The following RBBP8 variants were observed in gnomAD, a reference collection of about 807,000 sequenced individuals.
RBBP8 encodes the protein DNA endonuclease RBBP8.
A neutral mutation model predicts 108.3 loss-of-function variants in RBBP8; 88 were observed. The observed-to-expected ratio is 0.81, with a 90% CI of 0.68 to 0.97. The LOEUF (loss-of-function observed/expected upper bound fraction) is 0.97, where lower values mean the gene tolerates loss of function less well. Ranked by LOEUF, RBBP8 falls within the 50% of genes least tolerant of loss-of-function variation. The probability of loss-of-function intolerance (pLI) is 0.00; values close to 1 mark genes in which losing one functional copy is unlikely to be tolerated. For missense variants in RBBP8, 1,023 were observed against 1,049.0 expected (o/e 0.98, Z 0.34); for synonymous variants, 332 against 348.2 (o/e 0.95, Z 0.52).
Position 22,992,889 on chromosome 18 carries a change from G to GA in RBBP8, c.1071dup (p.His358ThrfsTer8), listed in dbSNP as rs754547584. 7.7e-5 allele frequency: 124 copies of GA among 1,601,922 alleles called. No individual in the cohort carries two copies. The highest frequency in any genetic ancestry group is 1.7e-4 in the Middle Eastern group (1 of 6,052). On this transcript the variant is annotated frameshift_variant, in exon 11 of 19. Coordinates refer to ENST00000327155, the MANE Select transcript of RBBP8 (RefSeq NM_002894.3). LOFTEE classifies it high-confidence loss of function. ...TGTCCCCTTCTCTTTTACAGCCTGG[G>GA]AAAAAAAAACATCTGAAAACACTCC...
intron 4 of RBBP8, among the ~76,000 whole-genome samples, chr18:22,966,320 A>G (rs1913579701): frequency 6.6e-6 from 1 of 152,206 alleles, no homozygotes; most frequent in South Asian, 2.1e-4. Flanking sequence ...TTAAATCATG[A>G]TGCCTAGCTG....
At chr18:22,959,726 GTGTGTGTGTT>G (rs1355898624) in intron 4 of RBBP8, among the ~76,000 whole-genome samples, 1 of 151,640 alleles carries the variant, frequency 6.6e-6, no homozygotes, top group East Asian at 1.9e-4. Flanking sequence ...ATTTATATGT[GTGTGTGTGTT>G]TGTGTGTGTG....
chr18:22,988,911 C>T (rs956062830), intron 8 of RBBP8, among the ~76,000 whole-genome samples: 1 of 152,144 alleles, frequency 6.6e-6, no homozygotes, highest in Admixed American at 6.5e-5. Context: ...CACAATAATT[C>T]CACTGTAAAT....
upstream of RBBP8, among the ~76,000 whole-genome samples, chr18:22,933,030 C>T (rs948076634): frequency 6.6e-6 from 1 of 152,258 alleles, no homozygotes; most frequent in African/African-American, 2.4e-5. Context: ...TCACTCTACA[C>T]ATGCTTCCCT....
chr18:22,973,255 G>A (rs1029344130), intron 5 of RBBP8, among the ~76,000 whole-genome samples: 1 of 152,024 alleles, frequency 6.6e-6, no homozygotes, highest in Non-Finnish European at 1.5e-5. Flanking sequence ...ATCAATCTGA[G>A]CCTATTTTTA....
chr18:22,991,131 C>T, intron 10 of RBBP8, 82 bp downstream of exon 10: 1 of 982,264 alleles, frequency 1.0e-6, no homozygotes, highest in Admixed American at 1.9e-5. Context: ...TAAGCCATTT[C>T]TCTCCTTCAA....
At chr18:22,914,949 C>A (rs1329219545) in intron 1 of RBBP8, among the ~76,000 whole-genome samples, 1 of 152,098 alleles carries the variant, frequency 6.6e-6, no homozygotes, top group Non-Finnish European at 1.5e-5. Flanking sequence ...ATCTTCCTTT[C>A]ATTTATATTA....
At chr18:22,997,542 A>G (rs2045880429) in intron 13 of RBBP8, 78 bp from the exon 14 acceptor site, 2 of 930,116 alleles carry the variant, frequency 2.2e-6, no homozygotes, top group Non-Finnish European at 3.4e-6. Flanking sequence ...TATTTTACCA[A>G]AATGTTTTGT....
intron 4 of RBBP8, among the ~76,000 whole-genome samples, chr18:22,963,766 T>C (rs1027818277): frequency 6.6e-6 from 1 of 152,178 alleles, no homozygotes; most frequent in Admixed American, 6.5e-5. Context: ...ATCACACATA[T>C]ATAAAAGTAG....
intron 12 of RBBP8, 84 bp from the exon 13 acceptor site, chr18:22,996,290 A>G (rs2045855995): frequency 3.2e-6 from 5 of 1,559,616 alleles, no homozygotes; most frequent in African/African-American, 1.4e-5. Context: ...AAAATTTTCT[A>G]TTCTTTAGGT....
Position 22,993,217 on chromosome 18 carries a change from T to G in RBBP8, c.1390T>G (p.Ser464Ala). The change falls in exon 11 of 19, where the codon TCT (serine) becomes GCT (alanine). Residue 464 changes from serine to alanine, a missense_variant. Coordinates refer to ENST00000327155, the MANE Select transcript of RBBP8 (RefSeq NM_002894.3). ...ACATGAAGTAAGCTGCCCCCAAGCT[T>G]CTTTTGATAAAGAAAATGCTTTCCC... The part of the protein sequence containing the change: ...SEHEVSCPQA[S>A]FDKENAFPFP... 2 of 1,614,210 alleles carry G rather than the reference T, an allele frequency of 1.2e-6. No homozygotes were observed. Among genetic ancestry groups the G allele is most frequent in the Non-Finnish European group, 1.7e-6 (2 of 1,180,024 alleles).
chr18:22,929,875 G>A (rs1336559549), upstream of RBBP8, among the ~76,000 whole-genome samples: 1 of 152,098 alleles, frequency 6.6e-6, no homozygotes. Flanking sequence ...AGACAGCAGA[G>A]AAAATAAAAA....
chr18:23,019,097 C>G (rs891196785), intron 17 of RBBP8, among the ~76,000 whole-genome samples: 1 of 152,024 alleles, frequency 6.6e-6, no homozygotes, highest in Admixed American at 6.6e-5. Context: ...CAAGCAAAAG[C>G]CTATAATGTG....
At position 23,000,501 on chromosome 18, in the gene RBBP8, G is replaced by A. The variant is rs1598729092; in HGVS notation, c.2144-1085G>A. ...TCGCACCTGTAATCCCAGTATTTTG[G>A]GAGGCCTAGGTGGGCGGATCACTTG... is the stretch of plus-strand genomic sequence containing the variant. On this transcript the variant is annotated intron_variant, in intron 14 of 18. Coordinates refer to ENST00000327155, the MANE Select transcript of RBBP8 (RefSeq NM_002894.3). 2.6e-5 allele frequency among the ~76,000 whole-genome samples: 4 copies of A among 152,166 alleles called. 1 individual carries two copies. Among genetic ancestry groups the A allele is most frequent in the Admixed American group, 2.6e-4 (4 of 15,272 alleles).
At chr18:23,018,147 G>T (rs2046293167) in intron 17 of RBBP8, among the ~76,000 whole-genome samples, 2 of 151,670 alleles carry the variant, frequency 1.3e-5, no homozygotes. Context: ...CATTTCCCGG[G>T]TTCAGACGAT....
intron 15 of RBBP8, 141 bp downstream of exon 15, chr18:23,001,870 AAATTTTGAGAT>A: frequency 8.2e-7 from 1 of 1,225,020 alleles, no homozygotes; most frequent in South Asian, 1.5e-5. Context: ...CAGGTTTTTA[AAATTTTGAGAT>A]AATTTTACAC....
At chr18:23,007,296 C>T (rs566775623) in intron 16 of RBBP8, among the ~76,000 whole-genome samples, 1 of 152,128 alleles carries the variant, frequency 6.6e-6, no homozygotes, top group South Asian at 2.1e-4. Flanking sequence ...GCTGGGATTA[C>T]AGGCATGAGC....
intron 3 of RBBP8, among the ~76,000 whole-genome samples, chr18:22,917,955 G>A (rs1176373229): frequency 1.1e-4 from 16 of 143,076 alleles, no homozygotes; most frequent in African/African-American, 2.0e-4. Context: ...CCAAGATCGC[G>A]CCACTGCACT....
chr18:23,005,761 T>G (rs1316061681), intron 15 of RBBP8, among the ~76,000 whole-genome samples: 1 of 152,218 alleles, frequency 6.6e-6, no homozygotes, highest in African/African-American at 2.4e-5. Context: ...TGTCAAATGA[T>G]AATAGTGGGC....
Sources: gnomAD v4.1 joint callset for allele counts (sites outside exome capture counted in the v4.1 genomes callset) on GRCh38, gnomAD v4.1.1 for gene constraint, MANE v1.5 for transcripts, NCBI Gene and HGNC (gene_info 2026-07-23, HGNC 2026-07-21) for gene names.